The following FKBP5 variants were observed in gnomAD, a reference collection of about 807,000 sequenced individuals.
The protein encoded by FKBP5 is FKBP prolyl isomerase 5.
In FKBP5, 23 loss-of-function variants were observed where a neutral mutation model predicts 50.5. That is an observed-to-expected ratio of 0.46 (90% CI 0.33 to 0.65). The LOEUF is 0.65. Among genes scored for constraint, FKBP5 ranks in the 30% least tolerant of loss-of-function variants. FKBP5 has a pLI of 0.02. For synonymous variants in FKBP5, 176 were observed against 190.6 expected, an observed-to-expected ratio of 0.92 and a Z score of 0.63; for missense variants, 411 against 553.1, an observed-to-expected ratio of 0.74 and a Z score of 2.58.
intron 2 of FKBP5, among the ~76,000 whole-genome samples, chr6:35,696,026 T>A (rs909350708): frequency 2.6e-5 from 4 of 151,132 alleles, no homozygotes; most frequent in African/African-American, 9.8e-5. Flanking sequence ...GCACCTGTAG[T>A]CCCAGCTACT....
At chr6:35,588,117 C>T (rs555398095) in intron 7 of FKBP5, among the ~76,000 whole-genome samples, 7 of 151,706 alleles carry the variant, frequency 4.6e-5, no homozygotes, top group Non-Finnish European at 8.8e-5. Context: ...CCTCTGCCTC[C>T]CGGGTTCAAG....
At chr6:35,682,703 T>C (rs1765702415) in intron 1 of FKBP5, among the ~76,000 whole-genome samples, 1 of 152,122 alleles carries the variant, frequency 6.6e-6, no homozygotes, top group South Asian at 2.1e-4. Flanking sequence ...TCTCTTATTC[T>C]TCTTTCCAAA....
At chr6:35,689,153 G>A (rs991909682), upstream of FKBP5, among the ~76,000 whole-genome samples, 6 of 152,218 alleles carry the variant, frequency 3.9e-5, no homozygotes, top group African/African-American at 7.2e-5. Flanking sequence ...TCTGGCCCTT[G>A]CCCTTTGTGG....
At chr6:35,667,249 T>G (rs1282543755) in intron 1 of FKBP5, among the ~76,000 whole-genome samples, 1 of 152,112 alleles carries the variant, frequency 6.6e-6, no homozygotes, top group East Asian at 1.9e-4. Flanking sequence ...TATGGAACAC[T>G]TACTAGGCGT....
chr6:35,669,658 A>G (rs1289864854), intron 1 of FKBP5, among the ~76,000 whole-genome samples: 3 of 152,218 alleles, frequency 2.0e-5, no homozygotes, highest in Admixed American at 1.3e-4. Context: ...AATATGACCA[A>G]TATAATTACA....
At chr6:35,577,489 T>C (rs935297093) in intron 9 of FKBP5, among the ~76,000 whole-genome samples, 8 of 152,190 alleles carry the variant, frequency 5.3e-5, no homozygotes, top group African/African-American at 1.7e-4. Context: ...AACAAATAAG[T>C]GCCCAAGAAT....
intron 3 of FKBP5, 114 bp from the exon 4 acceptor site, chr6:35,620,388 G>T: frequency 9.4e-7 from 1 of 1,058,770 alleles, no homozygotes; most frequent in Non-Finnish European, 1.4e-6. Context: ...CAGCTAGAAA[G>T]TATGGGCTAC....
At chr6:35,684,800 G>A (rs1765777589) in intron 1 of FKBP5, among the ~76,000 whole-genome samples, 1 of 152,176 alleles carries the variant, frequency 6.6e-6, no homozygotes, top group African/African-American at 2.4e-5. Flanking sequence ...GCCAAAGCAG[G>A]AGGATCACTT....
In FKBP5 at chr6:35,580,224, A is replaced by G; in HGVS notation, c.841-3T>C. 6.2e-7 allele frequency: 1 copy of G among 1,607,498 alleles called. No homozygotes were observed. The highest frequency in any genetic ancestry group is 2.2e-5 in the East Asian group (1 of 44,668). ...ACCGCCTGCATGTATTTGCCTCCCT[A>G]GGATAAAAAAGCGTCATTACTTGTA... On this transcript the variant is annotated splice_polypyrimidine_tract_variant and splice_region_variant and intron_variant, in intron 8 of 10. Transcript: ENST00000357266.
At chr6:35,603,636 GA>G (rs1364561093) in intron 5 of FKBP5, among the ~76,000 whole-genome samples, 1 of 70,910 alleles carries the variant, frequency 1.4e-5, no homozygotes, top group Non-Finnish European at 2.7e-5. Context: ...CAATTGGCTG[GA>G]ATTTTTTTTT....
intron 5 of FKBP5, among the ~76,000 whole-genome samples, chr6:35,618,403 C>T (rs1581820843): frequency 6.6e-6 from 1 of 152,094 alleles, no homozygotes; most frequent in East Asian, 1.9e-4. Flanking sequence ...CAGAATCTTG[C>T]TGTTGTCCAG....
At chr6:35,701,296 T>C (rs1171614061) in intron 2 of FKBP5, among the ~76,000 whole-genome samples, 8 of 149,086 alleles carry the variant, frequency 5.4e-5, no homozygotes, top group Admixed American at 2.0e-4. Flanking sequence ...CAGGCTGGAG[T>C]GCAGTGGCGG....
intron 1 of FKBP5, among the ~76,000 whole-genome samples, chr6:35,653,389 ATAGT>A (rs374009367): frequency 5.3e-5 from 8 of 152,306 alleles, no homozygotes; most frequent in African/African-American, 1.2e-4. Context: ...TGTAGAATAG[ATAGT>A]TAAACAGCAT....
chr6:35,588,550 A>AAGAC (rs1339481835), intron 7 of FKBP5, among the ~76,000 whole-genome samples: 1 of 151,706 alleles, frequency 6.6e-6, no homozygotes, highest in East Asian at 1.9e-4. Context: ...TTCTTTTTCT[A>AAGAC]AGACAGGATC....
intron 1 of FKBP5, among the ~76,000 whole-genome samples, chr6:35,670,235 T>A (rs1311410343): frequency 6.6e-6 from 1 of 152,184 alleles, no homozygotes. Flanking sequence ...ACATGAATCA[T>A]GATTCACGAT....
intron 3 of FKBP5, among the ~76,000 whole-genome samples, chr6:35,630,483 G>A (rs1314753993): frequency 1.3e-5 from 2 of 152,078 alleles, no homozygotes; most frequent in South Asian, 4.1e-4. Flanking sequence ...GGAGGCAGAG[G>A]TTGCAGTGAG....
intron 2 of FKBP5, among the ~76,000 whole-genome samples, chr6:35,718,559 T>C (rs925197808): frequency 2.0e-5 from 3 of 152,166 alleles, no homozygotes; most frequent in African/African-American, 7.2e-5. Context: ...CTTCCCCTCT[T>C]TGGGCCCCTC....
intron 1 of FKBP5, among the ~76,000 whole-genome samples, chr6:35,672,026 G>A (rs543771579): frequency 6.6e-6 from 1 of 152,060 alleles, no homozygotes; most frequent in East Asian, 1.9e-4. Flanking sequence ...CCGCCACCAC[G>A]CCCAGCTAAT....
chr6:35,629,168 G>C (rs1452718362), intron 3 of FKBP5, among the ~76,000 whole-genome samples: 1 of 152,170 alleles, frequency 6.6e-6, no homozygotes, highest in Non-Finnish European at 1.5e-5. Flanking sequence ...GAAGGCATGT[G>C]ATCATAGCTC....
Sources: allele counts gnomAD v4.1 joint callset (sites outside exome capture counted in the v4.1 genomes callset), GRCh38; gene constraint gnomAD v4.1.1; transcripts MANE v1.5; gene names NCBI Gene and HGNC (gene_info 2026-07-23, HGNC 2026-07-21).